PTGFRN: variants seen among roughly 807,000 people sequenced by gnomAD.
The protein encoded by PTGFRN is prostaglandin F2 receptor inhibitor, also known as prostaglandin F2 receptor negative regulator.
A neutral mutation model predicts 83.2 loss-of-function variants in PTGFRN; 35 were observed. The ratio of observed to expected loss-of-function variants is 0.42; its 90% CI spans 0.32 to 0.56. The LOEUF (loss-of-function observed/expected upper bound fraction) is 0.56. Ranked by LOEUF, PTGFRN falls within the 20% of genes least tolerant of loss-of-function variation. The pLI is 0.11. For synonymous variants in PTGFRN, 519 were observed against 498.6 expected (o/e 1.04, Z -0.55); for missense variants, 1,051 against 1,179.5 (o/e 0.89, Z 1.60).
At chr1:116,929,921 C>T (rs1023235274) in intron 1 of PTGFRN, among the ~76,000 whole-genome samples, 1 of 152,212 alleles carries the variant, frequency 6.6e-6, no homozygotes, top group African/African-American at 2.4e-5. Flanking sequence ...CTGGCTCTTA[C>T]TTTCCAGATC....
intron 1 of PTGFRN, among the ~76,000 whole-genome samples, chr1:116,939,177 T>C (rs1000004302): frequency 3.9e-5 from 6 of 152,194 alleles, no homozygotes; most frequent in Non-Finnish European, 7.4e-5. Flanking sequence ...ATGGTGGCCT[T>C]CTTCTCACAG....
intron 1 of PTGFRN, among the ~76,000 whole-genome samples, chr1:116,914,609 C>T (rs1649353838): frequency 6.6e-6 from 1 of 152,020 alleles, no homozygotes; most frequent in Non-Finnish European, 1.5e-5. Context: ...GAAAAGTTAG[C>T]CGGGTATGGT....
At chr1:116,970,061 T>C (rs1000884310) in intron 6 of PTGFRN, among the ~76,000 whole-genome samples, 6 of 152,192 alleles carry the variant, frequency 3.9e-5, no homozygotes, top group African/African-American at 1.4e-4. Context: ...GTTTTACTTC[T>C]CTCTTCCAAG....
At chr1:116,971,796 TAAAGAA>T (rs1651002815) in intron 6 of PTGFRN, among the ~76,000 whole-genome samples, 1 of 152,186 alleles carries the variant, frequency 6.6e-6, no homozygotes, top group Admixed American at 6.5e-5. Flanking sequence ...TTTGGAAACA[TAAAGAA>T]AAAGTGAAAT....
chr1:116,978,850 A>G (rs576974744), intron 7 of PTGFRN, among the ~76,000 whole-genome samples: 113 of 152,180 alleles, frequency 7.4e-4, no homozygotes, highest in African/African-American at 2.7e-3. Flanking sequence ...CCTATTCAAC[A>G]TATTGTTGGA....
In PTGFRN at chr1:116,974,526, T is replaced by TA. The variant is rs1651090325; in HGVS notation, c.2167+204dup. On this transcript the variant is annotated intron_variant, in intron 7 of 8. Coordinates refer to ENST00000393203, the MANE Select transcript of PTGFRN (RefSeq NM_020440.4). ...ATCTATCTGCTAGATGGTTTGGAAA[T>TA]ACATCCAGACATTTGAATCTGAGCT... 8.8e-6 allele frequency: 4 copies of TA among 453,286 alleles called. No individual in the cohort carries two copies. In the South Asian group the frequency reaches 2.0e-4, roughly 23 times the overall value. 28.1% of individuals were successfully genotyped at this position (453,286 alleles called of 1,614,324 possible). A position where few individuals can be genotyped will look rare whatever the true frequency, so the allele number is the denominator to read the frequency against.
intron 1 of PTGFRN, among the ~76,000 whole-genome samples, chr1:116,933,907 A>G (rs1312476364): frequency 6.6e-6 from 1 of 152,086 alleles, no homozygotes; most frequent in African/African-American, 2.4e-5. Context: ...CTTATCTTGC[A>G]TCTGTGGCAT....
chr1:116,921,676 C>A (rs554773684), intron 1 of PTGFRN, among the ~76,000 whole-genome samples: 16 of 151,142 alleles, frequency 1.1e-4, no homozygotes, highest in African/African-American at 3.2e-4. Flanking sequence ...AATATTGACT[C>A]TGTTTCTGAC....
intron 6 of PTGFRN, among the ~76,000 whole-genome samples, chr1:116,968,272 T>A (rs966101703): frequency 6.8e-6 from 1 of 146,316 alleles, no homozygotes; most frequent in African/African-American, 2.5e-5. Flanking sequence ...AATTCAGGTG[T>A]CAATTGAATC....
chr1:116,910,160 C>A lies in PTGFRN; in HGVS notation c.-44C>A. On this transcript the variant is annotated 5_prime_UTR_variant, in exon 1 of 9. Transcript: ENST00000393203. ...GGAAGAGGAGGAGGAGGAGAGGCGG[C>A]GGGGAAGGAGGAGGAGGGGGAGAGT... 6.6e-7 allele frequency: 1 copy of A among 1,512,550 alleles called. No individual in the cohort carries two copies. The highest frequency in any genetic ancestry group is 8.8e-7 in the Non-Finnish European group (1 of 1,135,190). 93.7% of individuals were successfully genotyped at this position (1,512,550 alleles called of 1,614,324 possible).
At chr1:116,953,404 C>T (rs568479065) in intron 4 of PTGFRN, among the ~76,000 whole-genome samples, 2 of 152,280 alleles carry the variant, frequency 1.3e-5, no homozygotes, top group East Asian at 1.9e-4. Context: ...CAGAAGTGCA[C>T]GTGGCCAAGT....
Position 116,935,751 on chromosome 1 carries a change from C to G in PTGFRN, c.50-5964C>G, listed in dbSNP as rs561274778. On this transcript the variant is annotated intron_variant, in intron 1 of 8. Coordinates refer to ENST00000393203, the MANE Select transcript of PTGFRN (RefSeq NM_020440.4). ...AACTGCCCCGAGAGGTAAGAGAAAC[C>G]TGTGTAGTTCCTGTTTTTTTGAAAG... 3.3e-5 allele frequency among the ~76,000 whole-genome samples: 5 copies of G among 152,124 alleles called. No individual in the cohort carries two copies. The South Asian group carries it at 1.0e-3, about 32-fold the overall frequency.
chr1:116,956,479 A>T (rs764278930), intron 4 of PTGFRN, among the ~76,000 whole-genome samples: 1 of 152,238 alleles, frequency 6.6e-6, no homozygotes, highest in Non-Finnish European at 1.5e-5. Context: ...AGAATGGAGT[A>T]GAATGAAAGA....
intron 1 of PTGFRN, among the ~76,000 whole-genome samples, chr1:116,914,402 A>G (rs1283204787): frequency 6.6e-6 from 1 of 152,194 alleles, no homozygotes; most frequent in Non-Finnish European, 1.5e-5. Context: ...GGAAAGACAG[A>G]TTTTGAGGGA....
In PTGFRN at chr1:116,961,724, G is replaced by A. The variant is rs1446130766; in HGVS notation, c.1639+56G>A. On this transcript the variant is annotated intron_variant, in intron 5 of 8. Coordinates refer to ENST00000393203, the MANE Select transcript of PTGFRN (RefSeq NM_020440.4). The surrounding 1 kb of genome is among the most constrained non-coding windows in gnomAD (Gnocchi z 5.4). ...GTTTTGTCTTTGCTTAAGTCGTGCC[G>A]CTGTGTGTTGATGCACAGTCACCCT... 14 of 1,494,048 alleles carry A rather than the reference G, an allele frequency of 9.4e-6. No individual in the cohort carries two copies. Among genetic ancestry groups the A allele is most frequent in the East Asian group, 6.9e-5 (3 of 43,314 alleles). The allele number at this position is 1,494,048 out of a possible 1,614,324, so 92.5% of individuals were successfully genotyped here.
chr1:116,968,068 T>A (rs1350304601), intron 6 of PTGFRN, among the ~76,000 whole-genome samples: 1 of 152,194 alleles, frequency 6.6e-6, no homozygotes, highest in African/African-American at 2.4e-5. Flanking sequence ...ATCTTTAACA[T>A]CCTCTGTCTG....
intron 8 of PTGFRN, among the ~76,000 whole-genome samples, 171 bp from the exon 9 acceptor site, chr1:116,986,630 A>T (rs944437118): frequency 1.3e-5 from 2 of 152,214 alleles, no homozygotes; most frequent in Non-Finnish European, 2.9e-5. Flanking sequence ...TTTGTGACAG[A>T]TAAGGCTGAG....
chr1:116,978,001 G>A lies in PTGFRN; in HGVS notation c.2167+3678G>A, dbSNP rs1379383780. 3.9e-5 allele frequency among the ~76,000 whole-genome samples: 6 copies of A among 152,202 alleles called. No individual in the cohort carries two copies. In the East Asian group the frequency reaches 1.2e-3, roughly 29 times the overall value. ...CAAGACTAATAAAGAAGAAAAGAGA[G>A]AAGAATCAAATAGATGCAATAAAAA... On this transcript the variant is annotated intron_variant, in intron 7 of 8. Transcript: ENST00000393203.
At chr1:116,959,570 C>T (rs950238512) in intron 4 of PTGFRN, among the ~76,000 whole-genome samples, 2 of 152,118 alleles carry the variant, frequency 1.3e-5, no homozygotes, top group Non-Finnish European at 2.9e-5. Context: ...TTAAATAAAA[C>T]CAAACTTTGA....
Sources: allele counts gnomAD v4.1 joint callset (sites outside exome capture counted in the v4.1 genomes callset), GRCh38; gene constraint gnomAD v4.1.1; non-coding constraint Gnocchi (gnomAD v3.1); transcripts MANE v1.5; gene names NCBI Gene and HGNC (gene_info 2026-07-23, HGNC 2026-07-21).